DPP10: variants seen among roughly 807,000 people sequenced by gnomAD.
DPP10 encodes the protein dipeptidyl peptidase like 10.
A neutral mutation model predicts 120.9 loss-of-function variants in DPP10; 33 were observed. That is an observed-to-expected ratio of 0.27 (90% CI 0.21 to 0.37). The LOEUF (loss-of-function observed/expected upper bound fraction) is 0.37, where lower values mean the gene tolerates loss of function less well. Ranked by LOEUF, DPP10 falls within the 10% of genes least tolerant of loss-of-function variation. The pLI, the probability that DPP10 is intolerant of heterozygous loss-of-function variation, is 1.00. For synonymous variants in DPP10, 337 were observed against 326.1 expected (o/e 1.03, Z -0.36); for missense variants, 816 against 942.8 (o/e 0.87, Z 1.76).
intron 7 of DPP10, among the ~76,000 whole-genome samples, chr2:115,694,264 ATACTT>A (rs10572039): frequency 0.63 from 95,885 of 151,376 alleles, 32,484 homozygotes; most frequent in East Asian, 0.92. Context: ...AGTCATTACA[ATACTT>A]TAATTAGTTT....
chr2:115,729,686 G>C (rs7558601), intron 8 of DPP10, among the ~76,000 whole-genome samples: 1 of 151,620 alleles, frequency 6.6e-6, no homozygotes, highest in Admixed American at 6.6e-5. Flanking sequence ...AATGAGAGAG[G>C]ATTGCTTGAG....
chr2:115,682,675 G>T (rs574825782), intron 5 of DPP10, among the ~76,000 whole-genome samples: 1 of 151,910 alleles, frequency 6.6e-6, no homozygotes, highest in African/African-American at 2.4e-5. Flanking sequence ...AGGCAGAATA[G>T]CCCTACATGC....
At chr2:115,171,308 C>G (rs1230694295) in intron 1 of DPP10, among the ~76,000 whole-genome samples, 2 of 147,946 alleles carry the variant, frequency 1.4e-5, no homozygotes, top group Non-Finnish European at 1.5e-5. Context: ...TTGCTGGGAG[C>G]CAAGATTGTG....
intron 5 of DPP10, among the ~76,000 whole-genome samples, chr2:115,628,738 T>A (rs1172837914): frequency 6.6e-6 from 1 of 152,086 alleles, no homozygotes; most frequent in Non-Finnish European, 1.5e-5. Flanking sequence ...TACATGTGGC[T>A]AGCCAGTTCT....
At chr2:114,646,762 G>A (rs1696170024) in intron 1 of DPP10, among the ~76,000 whole-genome samples, 1 of 152,070 alleles carries the variant, frequency 6.6e-6, no homozygotes, top group South Asian at 2.1e-4. Flanking sequence ...TTCTCTCAAG[G>A]GAGTTTTACT....
At chr2:115,432,584 T>G (rs188107439) in intron 3 of DPP10, among the ~76,000 whole-genome samples, 65 of 151,992 alleles carry the variant, frequency 4.3e-4, no homozygotes, top group Admixed American at 7.9e-4. Flanking sequence ...ATTGGTTAAT[T>G]CAAGTTCAAT....
At chr2:114,548,665 T>C (rs1263898303) in intron 1 of DPP10, among the ~76,000 whole-genome samples, 1 of 152,216 alleles carries the variant, frequency 6.6e-6, no homozygotes, top group Admixed American at 6.5e-5. Flanking sequence ...GAGCTACTTT[T>C]TAAGTGTTGG....
At chr2:115,597,304 T>TC (rs1461003087) in intron 5 of DPP10, among the ~76,000 whole-genome samples, 2 of 152,130 alleles carry the variant, frequency 1.3e-5, no homozygotes, top group Admixed American at 1.3e-4. Context: ...AAGTAATTTC[T>TC]CATGTCCTTC....
intron 1 of DPP10, among the ~76,000 whole-genome samples, chr2:114,975,656 T>C (rs1470706094): frequency 1.3e-5 from 2 of 152,198 alleles, no homozygotes; most frequent in East Asian, 3.8e-4. Context: ...TTTATTCATT[T>C]ATTTATTTAT....
intron 5 of DPP10, among the ~76,000 whole-genome samples, chr2:115,687,700 A>G (rs1212841661): frequency 1.3e-5 from 2 of 152,094 alleles, no homozygotes; most frequent in East Asian, 3.9e-4. Context: ...TCCCTTCTCC[A>G]ATCACACCAT....
intron 1 of DPP10, among the ~76,000 whole-genome samples, chr2:115,172,610 G>A (rs72955510): frequency 0.011 from 1,746 of 152,218 alleles, 29 homozygotes; most frequent in African/African-American, 0.036. Flanking sequence ...ACTAGTTTGA[G>A]CAACTTACCC....
At chr2:115,838,703 G>A (rs1011296707) in intron 24 of DPP10, among the ~76,000 whole-genome samples, 6 of 152,016 alleles carry the variant, frequency 3.9e-5, no homozygotes, top group Non-Finnish European at 7.4e-5. Flanking sequence ...CAGGCCTGGC[G>A]CTTCACCCAT....
intron 1 of DPP10, among the ~76,000 whole-genome samples, chr2:114,501,337 A>G (rs1204527074): frequency 6.6e-6 from 1 of 152,210 alleles, no homozygotes; most frequent in Non-Finnish European, 1.5e-5. Flanking sequence ...AATGAATACT[A>G]GTTGTTTATC....
intron 5 of DPP10, among the ~76,000 whole-genome samples, chr2:115,631,037 C>CTTTTTTTTTTTTT (rs58468918): frequency 1.8e-5 from 2 of 111,356 alleles, no homozygotes; most frequent in Admixed American, 9.4e-5. Flanking sequence ...TGATCCTGGG[C>CTTTTTTTTTTTTT]TTTTTTTTTT....
At position 115,622,536 on chromosome 2, in the gene DPP10, G is replaced by A. The variant is rs868413430; in HGVS notation, c.442-67151G>A. The stretch of plus-strand genomic sequence containing the variant: ...TTTTTTTTTTTTTTTTTTTTTTAAC[G>A]TATGTTTTCTTTTCTCTTGGGTAGA... On this transcript the variant is annotated intron_variant, in intron 5 of 25. Coordinates refer to ENST00000410059, the MANE Select transcript of DPP10 (RefSeq NM_020868.6). Among the ~76,000 whole-genome samples the A allele has an allele frequency of 8.0e-5, 5 of 62,232 alleles. No individual in the cohort carries two copies. In the South Asian group the frequency reaches 1.5e-3, roughly 19 times the overall value. 40.8% of individuals were successfully genotyped at this position (62,232 alleles called of 152,430 possible). A position where few individuals can be genotyped will look rare whatever the true frequency, so the allele number is the denominator to read the frequency against.
chr2:115,719,302 A>G (rs563656447), intron 7 of DPP10, among the ~76,000 whole-genome samples: 2 of 152,324 alleles, frequency 1.3e-5, no homozygotes, highest in African/African-American at 2.4e-5. Flanking sequence ...AAATGCATAA[A>G]GTGCTGCAAA....
At chr2:114,695,653 C>A (rs561395368) in intron 1 of DPP10, among the ~76,000 whole-genome samples, 30 of 152,082 alleles carry the variant, frequency 2.0e-4, no homozygotes, top group African/African-American at 6.0e-4. Context: ...GATCTTGAAG[C>A]AATTCCCTTT....
rs377655656 is a variant in DPP10 at position 115,720,244 on chromosome 2, A to C, written c.577-7572A>C. ...TAGCCATTCTAATTATAATACCAAA[A>C]TATTTTGTGTGTGTGTTTGCTTATA... On this transcript the variant is annotated intron_variant, in intron 7 of 25. Transcript: ENST00000410059. Among the ~76,000 whole-genome samples the C allele has an allele frequency of 5.9e-5, 9 of 152,302 alleles. No homozygotes were observed. In the East Asian group the frequency reaches 1.5e-3, roughly 26 times the overall value.
intron 1 of DPP10, among the ~76,000 whole-genome samples, chr2:114,500,715 C>T (rs1052489828): frequency 2.6e-5 from 4 of 152,240 alleles, no homozygotes; most frequent in Admixed American, 2.6e-4. Flanking sequence ...AAGGTGAAGG[C>T]AAGACTGAAA....
Sources: gnomAD v4.1 joint callset for allele counts (sites outside exome capture counted in the v4.1 genomes callset) on GRCh38, gnomAD v4.1.1 for gene constraint, MANE v1.5 for transcripts, NCBI Gene and HGNC (gene_info 2026-07-23, HGNC 2026-07-21) for gene names.